KIAA1328: variants seen among roughly 807,000 people sequenced by gnomAD.
KIAA1328 encodes protein hinderin.
In KIAA1328, 52 loss-of-function variants were observed where a neutral mutation model predicts 68.1. The observed-to-expected ratio is 0.76, with a 90% CI of 0.61 to 0.96. The LOEUF (loss-of-function observed/expected upper bound fraction) is 0.96. Ranked by LOEUF, KIAA1328 falls within the 40% of genes least tolerant of loss-of-function variation. The pLI, the probability that KIAA1328 is intolerant of heterozygous loss-of-function variation, is 0.00. For missense variants in KIAA1328, 641 were observed against 677.6 expected (o/e 0.95, Z 0.60); for synonymous variants, 232 against 239.4 (o/e 0.97, Z 0.28).
rs1788829535 is a variant in KIAA1328, at chr18:36,912,782, A to G, written c.448+27110A>G. On this transcript the variant is annotated intron_variant, in intron 5 of 9. Transcript: ENST00000280020. ...ATGAACTCAATCATCTAGATTAGGC[A>G]TGGGTGAGAGTCTGAGAATGATCTT... 2.0e-5 allele frequency among the ~76,000 whole-genome samples: 3 copies of G among 152,194 alleles called. No individual in the cohort carries two copies. In the South Asian group the frequency reaches 6.2e-4, roughly 32 times the overall value.
chr18:36,932,935 C>T (rs149287248), intron 5 of KIAA1328, among the ~76,000 whole-genome samples: 5 of 152,226 alleles, frequency 3.3e-5, no homozygotes, highest in Admixed American at 2.6e-4. Context: ...TTACAATTAG[C>T]GGACACAAAT....
At chr18:37,099,480 G>A (rs1406799430) in intron 7 of KIAA1328, among the ~76,000 whole-genome samples, 3 of 152,184 alleles carry the variant, frequency 2.0e-5, no homozygotes, top group Non-Finnish European at 2.9e-5. Flanking sequence ...TTGCTGAGGA[G>A]TGCTTTACTT....
At chr18:36,957,459 G>T (rs1598819547) in intron 5 of KIAA1328, among the ~76,000 whole-genome samples, 1 of 152,184 alleles carries the variant, frequency 6.6e-6, no homozygotes, top group South Asian at 2.1e-4. Context: ...CCCAGGCACT[G>T]GTCTGCAAAG....
At chr18:37,030,552 G>A (rs1388326913) in intron 6 of KIAA1328, among the ~76,000 whole-genome samples, 2 of 152,066 alleles carry the variant, frequency 1.3e-5, no homozygotes, top group African/African-American at 2.4e-5. Context: ...ATTGAGGCTT[G>A]AAATTATTCA....
At chr18:37,160,407 A>G (rs1239196175) in intron 8 of KIAA1328, 26 bp downstream of exon 8, 12 of 1,588,942 alleles carry the variant, frequency 7.6e-6, no homozygotes, top group Non-Finnish European at 1.0e-5. Context: ...GTAGTGGCAA[A>G]ATGAGAAACT....
At position 37,223,158 on chromosome 18, in the gene KIAA1328, C is replaced by G. The variant is rs1164647060; in HGVS notation, c.*931C>G. 1.0e-6 allele frequency: 1 copy of G among 982,208 alleles called. No homozygotes were observed. The highest frequency in any genetic ancestry group is 1.2e-6 in the Non-Finnish European group (1 of 829,716). The allele number at this position is 982,208 out of a possible 1,614,324, so 60.8% of individuals were successfully genotyped here. On this transcript the variant is annotated 3_prime_UTR_variant, in exon 10 of 10. Coordinates refer to ENST00000280020, the MANE Select transcript of KIAA1328 (RefSeq NM_020776.3). ...TGCAAGCTGCTGCAAAGCTGATGGGCTTCCTCTGGCCCTCCCTTTTCCTCC... is the reference window on the plus strand; with the variant it reads ...TGCAAGCTGCTGCAAAGCTGATGGGGTTCCTCTGGCCCTCCCTTTTCCTCC...
At chr18:37,193,948 C>T (rs911860818) in intron 9 of KIAA1328, among the ~76,000 whole-genome samples, 1 of 152,128 alleles carries the variant, frequency 6.6e-6, no homozygotes, top group Non-Finnish European at 1.5e-5. Context: ...AATGCATGTA[C>T]CTCATTCTTT....
intron 7 of KIAA1328, among the ~76,000 whole-genome samples, chr18:37,117,948 T>C (rs900359901): frequency 1.3e-5 from 2 of 150,860 alleles, no homozygotes; most frequent in Non-Finnish European, 2.9e-5. Context: ...ATAGCTCTTA[T>C]AGTCCCCATC....
intron 9 of KIAA1328, among the ~76,000 whole-genome samples, chr18:37,191,670 G>T (rs1412405678): frequency 6.6e-6 from 1 of 151,948 alleles, no homozygotes; most frequent in Non-Finnish European, 1.5e-5. Flanking sequence ...TATCCCAAAA[G>T]GCTGCATGTT....
intron 6 of KIAA1328, among the ~76,000 whole-genome samples, chr18:36,966,713 A>G (rs1444436742): frequency 6.6e-6 from 1 of 152,216 alleles, no homozygotes; most frequent in Non-Finnish European, 1.5e-5. Flanking sequence ...AAATACGGAT[A>G]TATTTAACAG....
chr18:36,854,703 A>G (rs2047326705), intron 4 of KIAA1328, among the ~76,000 whole-genome samples: 2 of 152,166 alleles, frequency 1.3e-5, no homozygotes, highest in South Asian at 4.1e-4. Flanking sequence ...CATTTTAAGT[A>G]CACAAGGCAG....
chr18:37,049,262 C>T (rs567644787), intron 6 of KIAA1328, among the ~76,000 whole-genome samples: 16 of 152,262 alleles, frequency 1.1e-4, no homozygotes, highest in African/African-American at 3.1e-4. Flanking sequence ...AATGCTCTTG[C>T]GGTGCCTGGG....
chr18:37,048,521 A>G lies in KIAA1328; in HGVS notation c.577-18369A>G, dbSNP rs182944738. Among the ~76,000 whole-genome samples the G allele has an allele frequency of 5.5e-3, 840 of 152,296 alleles. 3 individuals carry two copies. Among genetic ancestry groups the G allele is most frequent in the Middle Eastern group, 0.014 (4 of 294 alleles). ...TCCTTACTCTAGGTTGATACAGCACATATTTTTTAGTCATCCAATACAATC... is the reference window on the plus strand; with the variant it reads ...TCCTTACTCTAGGTTGATACAGCACGTATTTTTTAGTCATCCAATACAATC... On this transcript the variant is annotated intron_variant, in intron 6 of 9. Transcript: ENST00000280020.
intron 5 of KIAA1328, among the ~76,000 whole-genome samples, chr18:36,891,906 C>G (rs1403698338): frequency 6.6e-6 from 1 of 152,162 alleles, no homozygotes; most frequent in Admixed American, 6.5e-5. Context: ...AAGGAACTAG[C>G]CTTAATCTTT....
At chr18:37,090,721 AT>A (rs974295757) in intron 7 of KIAA1328, among the ~76,000 whole-genome samples, 2 of 152,112 alleles carry the variant, frequency 1.3e-5, no homozygotes, top group Non-Finnish European at 2.9e-5. Flanking sequence ...CATTTAGGAC[AT>A]TTTTTTGGAA....
rs187522924 is a variant in KIAA1328, at chr18:37,052,363, C to T, written c.577-14527C>T. 1.2e-3 allele frequency among the ~76,000 whole-genome samples: 179 copies of T among 152,108 alleles called. 3 individuals carry two copies. The highest frequency in any genetic ancestry group is 3.9e-3 in the African/African-American group (161 of 41,506). ...ACCTCAAAATAAAAAGAGGAACTTA[C>T]GACAAATACACCGCAAACATCTTAC... On this transcript the variant is annotated intron_variant, in intron 6 of 9. Coordinates refer to ENST00000280020, the MANE Select transcript of KIAA1328 (RefSeq NM_020776.3).
At chr18:36,832,001 T>C (rs1270087720) in intron 1 of KIAA1328, among the ~76,000 whole-genome samples, 1 of 152,200 alleles carries the variant, frequency 6.6e-6, no homozygotes, top group African/African-American at 2.4e-5. Flanking sequence ...ATATAGCATG[T>C]ACATTGTTTT....
At chr18:37,029,601 G>A (rs1599023049) in intron 6 of KIAA1328, among the ~76,000 whole-genome samples, 1 of 152,112 alleles carries the variant, frequency 6.6e-6, no homozygotes, top group Non-Finnish European at 1.5e-5. Context: ...TTTGAGAATT[G>A]TTTTATGTCT....
At chr18:36,938,072 G>A (rs749636086) in intron 5 of KIAA1328, among the ~76,000 whole-genome samples, 2 of 152,124 alleles carry the variant, frequency 1.3e-5, no homozygotes, top group African/African-American at 2.4e-5. Flanking sequence ...GGGTGTGCAG[G>A]TGTCTCTTCA....
Sources: allele counts gnomAD v4.1 joint callset (sites outside exome capture counted in the v4.1 genomes callset), GRCh38; gene constraint gnomAD v4.1.1; transcripts MANE v1.5; gene names NCBI Gene and HGNC (gene_info 2026-07-23, HGNC 2026-07-21).